The following ARHGAP12 variants were observed in gnomAD, a reference collection of about 807,000 sequenced individuals.
The protein encoded by ARHGAP12 is rho GTPase-activating protein 12.
In ARHGAP12, 64 loss-of-function variants were observed where a neutral mutation model predicts 108.6. The ratio of observed to expected loss-of-function variants is 0.59; its 90% CI spans 0.48 to 0.73. The LOEUF (loss-of-function observed/expected upper bound fraction) is 0.73. Ranked by LOEUF, ARHGAP12 falls within the 30% of genes least tolerant of loss-of-function variation. ARHGAP12 has a pLI of 0.00. For missense variants in ARHGAP12, 940 were observed against 1,005.9 expected (o/e 0.93, Z 0.89); for synonymous variants, 312 against 337.2 (o/e 0.93, Z 0.82).
At chr10:31,902,585 CA>C (rs1838972419) in intron 3 of ARHGAP12, among the ~76,000 whole-genome samples, 1 of 151,018 alleles carries the variant, frequency 6.6e-6, no homozygotes, top group Admixed American at 6.6e-5. Context: ...CTGAGAAGAT[CA>C]CTTAAGCTGA....
intron 11 of ARHGAP12, among the ~76,000 whole-genome samples, chr10:31,823,187 C>T (rs1436138226): frequency 6.6e-6 from 1 of 152,124 alleles, no homozygotes; most frequent in Non-Finnish European, 1.5e-5. Context: ...CAAAGCTTAA[C>T]AATGCCCAGA....
chr10:31,854,291 G>C, intron 4 of ARHGAP12, 85 bp from the exon 5 acceptor site: 2 of 1,186,192 alleles, frequency 1.7e-6, no homozygotes. Flanking sequence ...AATTTTACTT[G>C]ACTATAAGTA....
intron 7 of ARHGAP12, among the ~76,000 whole-genome samples, chr10:31,840,779 C>G (rs185196181): frequency 6.6e-6 from 1 of 152,178 alleles, no homozygotes; most frequent in East Asian, 1.9e-4. Context: ...TTTGTAAATA[C>G]AGAAACTAGT....
chr10:31,826,248 C>T (rs1054399075), intron 11 of ARHGAP12, 56 bp downstream of exon 11: 63 of 1,386,432 alleles, frequency 4.5e-5, no homozygotes, highest in South Asian at 6.4e-5. Flanking sequence ...AATTCAGGTA[C>T]GATACTATTC....
intron 9 of ARHGAP12, among the ~76,000 whole-genome samples, chr10:31,837,865 T>G (rs956673082): frequency 2.0e-5 from 3 of 152,220 alleles, no homozygotes; most frequent in African/African-American, 7.2e-5. Flanking sequence ...TTTCATTTAT[T>G]TATTCAACAA....
chr10:31,839,660 A>T lies in ARHGAP12; in HGVS notation c.1348T>A (p.Ser450Thr), dbSNP rs368874725. ...PCFPENESSPSSPKHQDTASS... is the reference protein window; with the variant it reads ...PCFPENESSPTSPKHQDTASS... ...ACTGTATCTTGGTGCTTTGGTGAGG[A>T]GGGAGAAGACTCATTTTCAGGAAAG... The change falls in exon 8 of 20, where the codon TCC becomes ACC. Residue 450 changes from serine (S) to threonine (T), a missense_variant. By Grantham distance (58) the Ser-to-Thr change is moderately conservative. Transcript: ENST00000344936. 22 of 1,608,328 alleles carry T rather than the reference A, an allele frequency of 1.4e-5. No homozygotes were observed. Among genetic ancestry groups the T allele is most frequent in the Non-Finnish European group, 1.9e-5 (22 of 1,176,190 alleles).
At chr10:31,810,133 A>G (rs1834961091) in intron 16 of ARHGAP12, among the ~76,000 whole-genome samples, 1 of 152,210 alleles carries the variant, frequency 6.6e-6, no homozygotes, top group Non-Finnish European at 1.5e-5. Context: ...TAAAACTAGT[A>G]TAAATATTAT....
intron 12 of ARHGAP12, among the ~76,000 whole-genome samples, chr10:31,819,177 T>G (rs1221888156): frequency 6.6e-6 from 1 of 152,068 alleles, no homozygotes; most frequent in Non-Finnish European, 1.5e-5. Context: ...AGCCTCATTG[T>G]TATGGTGATG....
intron 1 of ARHGAP12, among the ~76,000 whole-genome samples, chr10:31,916,207 A>T (rs2132479262): frequency 6.6e-6 from 1 of 152,316 alleles, no homozygotes; most frequent in South Asian, 2.1e-4. Context: ...CTCCCAGTAT[A>T]TACAAGGTCT....
At chr10:31,922,330 T>C (rs1180089876) in intron 1 of ARHGAP12, among the ~76,000 whole-genome samples, 2 of 148,826 alleles carry the variant, frequency 1.3e-5, no homozygotes, top group African/African-American at 5.0e-5. Context: ...CCTGAAGACA[T>C]CAAAAGGAAA....
intron 11 of ARHGAP12, among the ~76,000 whole-genome samples, chr10:31,825,460 C>T (rs774613230): frequency 1.1e-4 from 16 of 152,006 alleles, no homozygotes; most frequent in Non-Finnish European, 2.1e-4. Context: ...ACTCAATTAC[C>T]AAAAACTTTT....
In ARHGAP12 at chr10:31,908,288, T is replaced by C. The variant is rs762613817; in HGVS notation, c.568A>G (p.Lys190Glu). The C allele has an allele frequency of 6.2e-7, 1 of 1,614,066 alleles. No individual in the cohort carries two copies. Among genetic ancestry groups the C allele is most frequent in the Non-Finnish European group, 8.5e-7 (1 of 1,180,024 alleles). The stretch of plus-strand genomic sequence containing the variant: ...GATTGTTCCTGGGAGAAGCTAGTTT[T>C]CTCTACATCCAAGAACTCTGGACCG... Reference protein sequence around the residue: ...FPGPEFLDVEKTSFSQEQSCD... With the variant: ...FPGPEFLDVEETSFSQEQSCD... The change falls in exon 3 of 20, where the codon AAA (lysine) becomes GAA (glutamate). Residue 190 changes from lysine (K) to glutamate (E), a missense_variant. Lys to Glu is a moderately conservative substitution (Grantham distance 56). Transcript: ENST00000344936.
chr10:31,882,076 G>C (rs554200047), intron 3 of ARHGAP12, among the ~76,000 whole-genome samples: 3,661 of 151,816 alleles, frequency 0.024, 158 homozygotes, highest in African/African-American at 0.082. Context: ...CACTACGCCC[G>C]GCTAATTTTT....
intron 3 of ARHGAP12, among the ~76,000 whole-genome samples, chr10:31,870,103 A>C (rs1468634286): frequency 6.6e-6 from 1 of 152,228 alleles, no homozygotes; most frequent in Non-Finnish European, 1.5e-5. Context: ...TGGTAGCCTG[A>C]CAGTATCAGG....
chr10:31,855,005 G>A (rs997106187), intron 4 of ARHGAP12, among the ~76,000 whole-genome samples: 3 of 132,078 alleles, frequency 2.3e-5, no homozygotes, highest in African/African-American at 8.7e-5. Flanking sequence ...AGGAGGAGGA[G>A]GAGCAGGAGG....
Position 31,908,652 on chromosome 10 carries a change from A to G in ARHGAP12, c.204T>C (p.Tyr68=). ...NSKAFYVPAQ[Y]VKEVTRKALM... is the part of the protein sequence containing the mutation. ...GAGCTTTGCGCGTGACCTCCTTCAC[A>G]TACTGGGCTGGCACATAAAACGCTT... The change falls in exon 3 of 20, where the codon TAT becomes TAC. Residue 68 remains tyrosine (Y), a synonymous_variant. Coordinates refer to ENST00000344936, the MANE Select transcript of ARHGAP12 (RefSeq NM_018287.7). 2 of 1,614,176 alleles carry G rather than the reference A, an allele frequency of 1.2e-6. No homozygotes were observed. Among genetic ancestry groups the G allele is most frequent in the Non-Finnish European group, 1.7e-6 (2 of 1,180,022 alleles).
chr10:31,841,886 A>G (rs1836282789), intron 7 of ARHGAP12, among the ~76,000 whole-genome samples: 1 of 152,082 alleles, frequency 6.6e-6, no homozygotes, highest in Non-Finnish European at 1.5e-5. Flanking sequence ...TTCAAAACCT[A>G]AAATACTGCC....
At position 31,808,672 on chromosome 10, in the gene ARHGAP12, C is replaced by A; in HGVS notation, c.2343G>T (p.Gln781His). 1 of 1,613,626 alleles carries A rather than the reference C, an allele frequency of 6.2e-7. No individual in the cohort carries two copies. The highest frequency in any genetic ancestry group is 8.5e-7 in the Non-Finnish European group (1 of 1,179,634). Residue 781 changes from glutamine to histidine, a missense_variant, in exon 19 of 20, where the codon CAG (glutamine) becomes CAT (histidine). By Grantham distance (24) the Gln-to-His change is conservative (BLOSUM62 0). Coordinates refer to ENST00000344936, the MANE Select transcript of ARHGAP12 (RefSeq NM_018287.7). ...ACCTTCTGAGATGTCGGAAAAGAAT[C>A]TGCATTGTGTCTTGGTTTGGCTTTG... ...QLPKPNQDTMQILFRHLRRVI... is the reference protein window; with the variant it reads ...QLPKPNQDTMHILFRHLRRVI...
intron 3 of ARHGAP12, among the ~76,000 whole-genome samples, chr10:31,880,045 A>G (rs1215844155): frequency 6.6e-6 from 1 of 152,220 alleles, no homozygotes; most frequent in Non-Finnish European, 1.5e-5. Context: ...TTCTGTTCAA[A>G]GATATGCTCT....
Sources: gnomAD v4.1 joint callset for allele counts (sites outside exome capture counted in the v4.1 genomes callset) on GRCh38, gnomAD v4.1.1 for gene constraint, MANE v1.5 for transcripts, NCBI Gene and HGNC (gene_info 2026-07-23, HGNC 2026-07-21) for gene names.